The following TJP3 variants were observed in gnomAD, a reference collection of about 807,000 sequenced individuals.
The protein encoded by TJP3 is tight junction protein ZO-3.
Under a neutral mutation model 104.2 loss-of-function variants are expected in TJP3, and 85 were observed. The observed-to-expected ratio is 0.82, with a 90% CI of 0.68 to 0.98. The LOEUF (loss-of-function observed/expected upper bound fraction) is 0.98, where lower values mean the gene tolerates loss of function less well. Among genes scored for constraint, TJP3 ranks in the 50% least tolerant of loss-of-function variants. TJP3 has a pLI of 0.00. For missense variants in TJP3, 1,367 were observed against 1,322.8 expected (o/e 1.03, Z -0.52); for synonymous variants, 550 against 550.6 (o/e 1.00, Z 0.02).
chr19:3,716,079 T>TATATATATATATATATATA (rs1168293963), intron 1 of TJP3, among the ~76,000 whole-genome samples: 1 of 123,258 alleles, frequency 8.1e-6, no homozygotes, highest in African/African-American at 2.6e-5. Context: ...ACGCCCGACT[T>TATATATATATATATATATA]GTTTTATTTT....
rs57421122 is a variant in TJP3 at position 3,722,856 on chromosome 19, CGGG to C, written c.-9-5558_-9-5556del. On this transcript the variant is annotated intron_variant, in intron 1 of 20. Transcript: ENST00000541714. ...GCCATTGTTCCTGGAGATGGGGTGG[CGGG>C]GGGGGGGGGCACAGGGGACGGCGGC... Among the ~76,000 whole-genome samples, 2 of 11,272 alleles carry C rather than the reference CGGG, an allele frequency of 1.8e-4. 1 individual carries two copies. Among genetic ancestry groups the C allele is most frequent in the Non-Finnish European group, 5.9e-4 (2 of 3,414 alleles). The allele number at this position is 11,272 out of a possible 152,430, so 7.4% of individuals were successfully genotyped here. A position where few individuals can be genotyped will look rare whatever the true frequency, so the allele number is the denominator to read the frequency against.
At chr19:3,718,084 T>C (rs1015761766) in intron 1 of TJP3, among the ~76,000 whole-genome samples, 2 of 150,400 alleles carry the variant, frequency 1.3e-5, no homozygotes, top group South Asian at 2.1e-4. Context: ...CATGTGCCTG[T>C]AGTCCCAGCT....
intron 6 of TJP3, among the ~76,000 whole-genome samples, chr19:3,733,277 C>G (rs2036695999): frequency 6.6e-6 from 1 of 152,178 alleles, no homozygotes; most frequent in Admixed American, 6.5e-5. Flanking sequence ...CTCAACTGAT[C>G]TGTCTGCCTC....
At chr19:3,748,193 TC>T in intron 19 of TJP3, 112 bp downstream of exon 19, 1 of 1,363,898 alleles carries the variant, frequency 7.3e-7, no homozygotes. Flanking sequence ...AAACACGGCT[TC>T]CCTGGTCAGA....
At chr19:3,720,077 G>C (rs1051216036) in intron 1 of TJP3, among the ~76,000 whole-genome samples, 1 of 152,066 alleles carries the variant, frequency 6.6e-6, no homozygotes, top group Non-Finnish European at 1.5e-5. Flanking sequence ...TGACAACCCT[G>C]TGATGTAGGG....
At chr19:3,743,041 G>A (rs113774893) in intron 14 of TJP3, among the ~76,000 whole-genome samples, 1,559 of 151,860 alleles carry the variant, frequency 0.01, 22 homozygotes, top group East Asian at 0.083. Flanking sequence ...CGAGGCGGGC[G>A]GATCACGAGG....
intron 13 of TJP3, 68 bp from the exon 14 acceptor site, chr19:3,740,484 A>G (rs2145696435): frequency 9.2e-7 from 1 of 1,088,766 alleles, no homozygotes; most frequent in East Asian, 3.0e-5. Context: ...GAGGGGTAGG[A>G]CGAGGACGTC....
chr19:3,737,397 T>C (rs2036751612), intron 11 of TJP3, among the ~76,000 whole-genome samples: 1 of 152,078 alleles, frequency 6.6e-6, no homozygotes, highest in South Asian at 2.1e-4. Context: ...TGTGGTCAGG[T>C]CACAGATCAT....
chr19:3,734,541 CA>C, intron 8 of TJP3, 106 bp downstream of exon 8: 11 of 1,001,652 alleles, frequency 1.1e-5, no homozygotes, highest in Non-Finnish European at 1.4e-5. Context: ...CTTGAGGACG[CA>C]GTCCTGTATT....
intron 11 of TJP3, 34 bp downstream of exon 11, chr19:3,736,355 C>G: frequency 6.7e-7 from 1 of 1,497,522 alleles, no homozygotes; most frequent in Non-Finnish European, 8.9e-7. Flanking sequence ...CCCCACTGAT[C>G]ATGGGCGTGC....
In TJP3 at chr19:3,750,620, G is replaced by A. The variant is rs748752835; in HGVS notation, c.2696G>A (p.Arg899Gln). Residue 899 changes from arginine (R) to glutamine (Q), a missense_variant, in exon 21 of 21, where the codon CGA becomes CAA. Physicochemically the swap from Arg to Gln is conservative, Grantham distance 43. Transcript: ENST00000541714. The part of the protein sequence containing the change: ...EREALKKKFM[R>Q]VHDAESSDED... ...GAAGCCCTGAAGAAAAAGTTTATGCGAGTACATGATGCGGAGTCCTCCGAT... is the reference window on the plus strand; with the variant it reads ...GAAGCCCTGAAGAAAAAGTTTATGCAAGTACATGATGCGGAGTCCTCCGAT... The A allele has an allele frequency of 1.9e-5, 31 of 1,609,394 alleles. No individual in the cohort carries two copies. Among genetic ancestry groups the A allele is most frequent in the African/African-American group, 1.6e-4 (12 of 74,874 alleles).
chr19:3,740,678 G>A lies in TJP3; in HGVS notation c.1758G>A (p.Lys586=). ...RLRGLRRGAK[K]TTQRSREDLS... ...GGGGTCTTCGTCGAGGAGCCAAGAA[G>A]ACCACTCAGCGGAGCCGTGAGGACC... Residue 586 remains lysine, a synonymous_variant, in exon 14 of 21, where the codon AAG becomes AAA. Transcript: ENST00000541714. 1.2e-6 allele frequency: 2 copies of A among 1,607,476 alleles called. No individual in the cohort carries two copies.
In TJP3 at chr19:3,750,151, A is replaced by ACCCCCAGGGACAGTGGCC. The variant is rs1555741939; in HGVS notation, c.2641_2642insCCCCCCAGGGACAGTGGC (p.Trp880_Arg881insProProGlnGlyGlnTrp). On this transcript the variant is annotated inframe_insertion, in exon 20 of 21. Transcript: ENST00000541714. Reference sequence around the variant, plus strand: ...CTCTCCTCCAAGGTGGACAGCCGCCACCCCCAGGGACAGTGGCGACAGGAC... The same window carrying ACCCCCAGGGACAGTGGCC: ...CTCTCCTCCAAGGTGGACAGCCGCCACCCCCAGGGACAGTGGCCCCCCCAGGGACAGTGGCGACAGGAC... 5.0e-6 allele frequency: 8 copies of ACCCCCAGGGACAGTGGCC among 1,613,714 alleles called. No homozygotes were observed. Among genetic ancestry groups the ACCCCCAGGGACAGTGGCC allele is most frequent in the Non-Finnish European group, 6.8e-6 (8 of 1,179,920 alleles).
In TJP3 at chr19:3,708,511, C is replaced by T. The variant is rs1045334196; in HGVS notation, c.-60C>T. ...CCACCACCCGTGCCAGGCAGGCACC[C>T]GGGCCCTGGCACCTGCTGCCTGCCC... On this transcript the variant is annotated 5_prime_UTR_variant, in exon 1 of 21. Transcript: ENST00000541714. 1.3e-5 allele frequency: 2 copies of T among 152,198 alleles called. No homozygotes were observed. Among genetic ancestry groups the T allele is most frequent in the Admixed American group, 6.5e-5 (1 of 15,274 alleles). The allele number at this position is 152,198 out of a possible 1,614,324, so 9.4% of individuals were successfully genotyped here.
chr19:3,744,147 C>T (rs2036856528), intron 15 of TJP3, 113 bp downstream of exon 15: 3 of 891,812 alleles, frequency 3.4e-6, no homozygotes, highest in Admixed American at 2.1e-5. Context: ...AGCAGATGGG[C>T]CACCAGTGCC....
intron 3 of TJP3, among the ~76,000 whole-genome samples, chr19:3,729,104 C>T (rs1390223058): frequency 6.6e-6 from 1 of 152,096 alleles, no homozygotes; most frequent in Non-Finnish European, 1.5e-5. Flanking sequence ...TGGCACTTTC[C>T]AGCTCTGTCA....
rs745463222 is a variant in TJP3 at position 3,730,511 on chromosome 19, C to T, written c.418C>T (p.Arg140Cys). The change falls in exon 5 of 21, where the codon CGC (arginine) becomes TGC (cysteine). Residue 140 changes from arginine (R) to cysteine (C), a missense_variant. Arg to Cys is a radical substitution (Grantham distance 180). Transcript: ENST00000541714. The surrounding 1 kb of genome is among the most constrained non-coding windows in gnomAD (Gnocchi z 7.3). ...YDGDSSSGSGRSWDERSRRPR... is the reference protein window; with the variant it reads ...YDGDSSSGSGCSWDERSRRPR... ...CGGCGACTCATCCAGTGGCTCCGGC[C>T]GCTCCTGGGACGAGCGCTCCCGCCG... 2.1e-5 allele frequency: 34 copies of T among 1,590,044 alleles called. No homozygotes were observed. The highest frequency in any genetic ancestry group is 5.6e-5 in the South Asian group (5 of 89,404).
At chr19:3,723,585 A>G (rs1480887288) in intron 1 of TJP3, among the ~76,000 whole-genome samples, 1 of 151,988 alleles carries the variant, frequency 6.6e-6, no homozygotes, top group Non-Finnish European at 1.5e-5. Flanking sequence ...TGAGGTCAGC[A>G]GTTTGAGCCC....
chr19:3,731,559 G>A (rs1599152941), intron 5 of TJP3, among the ~76,000 whole-genome samples: 1 of 152,140 alleles, frequency 6.6e-6, no homozygotes, highest in Non-Finnish European at 1.5e-5. Context: ...CTTAAACCCG[G>A]GAGGTAGAGG....
Sources: allele counts gnomAD v4.1 joint callset (sites outside exome capture counted in the v4.1 genomes callset), GRCh38; gene constraint gnomAD v4.1.1; non-coding constraint Gnocchi (gnomAD v3.1); transcripts MANE v1.5; gene names NCBI Gene and HGNC (gene_info 2026-07-23, HGNC 2026-07-21).